CTIF: variants seen among roughly 807,000 people sequenced by gnomAD.
CTIF encodes the protein CBP80/20-dependent translation initiation factor.
In CTIF, 21 loss-of-function variants were observed where a neutral mutation model predicts 66.0. The ratio of observed to expected loss-of-function variants is 0.32; its 90% CI spans 0.23 to 0.46. The LOEUF (loss-of-function observed/expected upper bound fraction) is 0.46, where lower values mean the gene tolerates loss of function less well. CTIF is among the 20% of genes least tolerant of loss of function. CTIF has a pLI of 1.00. For synonymous variants in CTIF, 345 were observed against 326.4 expected, an observed-to-expected ratio of 1.06 and a Z score of -0.62; for missense variants, 739 against 812.7, an observed-to-expected ratio of 0.91 and a Z score of 1.10.
chr18:48,561,673 C>T (rs2089167718), intron 1 of CTIF, among the ~76,000 whole-genome samples: 1 of 152,130 alleles, frequency 6.6e-6, no homozygotes, highest in Non-Finnish European at 1.5e-5. Context: ...TGTCCTTGTC[C>T]CCTGGCAGAA....
chr18:48,807,441 CTCTT>C (rs1004039766), intron 9 of CTIF, among the ~76,000 whole-genome samples: 10 of 152,056 alleles, frequency 6.6e-5, no homozygotes, highest in Non-Finnish European at 1.0e-4. Context: ...ACTATTTCTC[CTCTT>C]TCTTTTTAAA....
At chr18:48,797,656 G>T (rs1331707977) in intron 9 of CTIF, among the ~76,000 whole-genome samples, 1 of 152,080 alleles carries the variant, frequency 6.6e-6, no homozygotes, top group South Asian at 2.1e-4. Context: ...GTGGTATTCT[G>T]GGGTGGGGGG....
intron 9 of CTIF, among the ~76,000 whole-genome samples, chr18:48,771,061 CTT>C (rs1394699288): frequency 2.0e-5 from 3 of 152,162 alleles, no homozygotes; most frequent in Admixed American, 2.0e-4. Context: ...AGACTATTGT[CTT>C]CCTGGGCGGT....
rs367786142 is a variant in CTIF at position 48,663,774 on chromosome 18, T to C, written c.275T>C (p.Leu92Pro). ...CAGAATGGCAGCAAAGACAACTCTC[T>C]GGACATGCTGGGCACGGACATCTGG... ...PQQNGSKDNS[L>P]DMLGTDIWAA... Residue 92 changes from leucine to proline, a missense_variant, in exon 4 of 12, where the codon CTG becomes CCG. Physicochemically the swap from Leu to Pro is moderately conservative, Grantham distance 98. Coordinates refer to ENST00000256413, the MANE Select transcript of CTIF (RefSeq NM_014772.3). 6 of 1,613,972 alleles carry C rather than the reference T, an allele frequency of 3.7e-6. No individual in the cohort carries two copies. Among genetic ancestry groups the C allele is most frequent in the Middle Eastern group, 1.6e-4 (1 of 6,082 alleles).
At chr18:48,857,548 T>C in intron 10 of CTIF, 40 bp from the exon 11 acceptor site, 5 of 1,579,030 alleles carry the variant, frequency 3.2e-6, no homozygotes, top group Non-Finnish European at 4.3e-6. Flanking sequence ...GTAGCCGGCA[T>C]GTCTCCTTCA....
At chr18:48,585,930 G>A (rs1256656087) in intron 1 of CTIF, among the ~76,000 whole-genome samples, 1 of 152,134 alleles carries the variant, frequency 6.6e-6, no homozygotes, top group African/African-American at 2.4e-5. Context: ...AATCTTTATA[G>A]TTGAGTTTTA....
intron 6 of CTIF, among the ~76,000 whole-genome samples, chr18:48,709,023 G>A (rs1465938758): frequency 6.6e-6 from 1 of 152,212 alleles, no homozygotes; most frequent in Non-Finnish European, 1.5e-5. Flanking sequence ...TGATGACAAT[G>A]AGGCTTACTA....
chr18:48,546,802 G>A (rs547389252), intron 1 of CTIF, among the ~76,000 whole-genome samples: 16 of 152,302 alleles, frequency 1.1e-4, no homozygotes, highest in African/African-American at 3.6e-4. Flanking sequence ...CAGCCCGTCC[G>A]CATGGGGGAT....
At chr18:48,658,668 C>T (rs2091287418) in intron 3 of CTIF, among the ~76,000 whole-genome samples, 1 of 151,814 alleles carries the variant, frequency 6.6e-6, no homozygotes, top group African/African-American at 2.4e-5. Context: ...GTGGATGTGT[C>T]TGTCTAGTAT....
chr18:48,675,465 G>A (rs993510531), intron 6 of CTIF, among the ~76,000 whole-genome samples: 4 of 152,306 alleles, frequency 2.6e-5, no homozygotes, highest in South Asian at 2.1e-4. Context: ...GGTGCTTGCT[G>A]TGGGAAGTCC....
chr18:48,841,692 C>T (rs1297659699), intron 10 of CTIF, among the ~76,000 whole-genome samples: 8 of 152,212 alleles, frequency 5.3e-5, no homozygotes, highest in Non-Finnish European at 1.0e-4. Context: ...GGCGGGCAGG[C>T]GGGCAGGCCC....
chr18:48,795,881 C>T (rs1218363330), intron 9 of CTIF, among the ~76,000 whole-genome samples: 2 of 152,156 alleles, frequency 1.3e-5, no homozygotes, highest in East Asian at 1.9e-4. Context: ...CTGGGAAAGC[C>T]GAGCCACCTG....
intron 9 of CTIF, among the ~76,000 whole-genome samples, chr18:48,781,193 C>T (rs1436118909): frequency 1.3e-5 from 2 of 152,234 alleles, no homozygotes; most frequent in South Asian, 2.1e-4. Flanking sequence ...GCTCCGGCCC[C>T]AGCGCCAGCC....
At chr18:48,667,180 C>T (rs1313031326) in intron 5 of CTIF, among the ~76,000 whole-genome samples, 2 of 151,788 alleles carry the variant, frequency 1.3e-5, no homozygotes, top group Non-Finnish European at 2.9e-5. Flanking sequence ...GAAATATGAA[C>T]CTATTCATGA....
At chr18:48,586,392 T>C (rs2089769799) in intron 1 of CTIF, among the ~76,000 whole-genome samples, 1 of 151,468 alleles carries the variant, frequency 6.6e-6, no homozygotes, top group South Asian at 2.1e-4. Context: ...TGTCTCAGCC[T>C]CCCAAGTAAC....
At chr18:48,810,331 A>T (rs7227892) in intron 9 of CTIF, among the ~76,000 whole-genome samples, 49,246 of 151,938 alleles carry the variant, frequency 0.32, 8,650 homozygotes, top group African/African-American at 0.43. Context: ...AATAGTTAAG[A>T]CTATAAATTG....
chr18:48,610,222 C>T (rs893951741), intron 1 of CTIF, among the ~76,000 whole-genome samples: 11 of 152,248 alleles, frequency 7.2e-5, no homozygotes, highest in Middle Eastern at 6.8e-3. Context: ...AGCCCAGAGG[C>T]GGAGGAGAAG....
Position 48,761,417 on chromosome 18 carries a change from C to G in CTIF, c.1099C>G (p.Pro367Ala). 1 of 1,613,912 alleles carries G rather than the reference C, an allele frequency of 6.2e-7. No individual in the cohort carries two copies. Among genetic ancestry groups the G allele is most frequent in the Non-Finnish European group, 8.5e-7 (1 of 1,180,000 alleles). Residue 367 changes from proline to alanine, a missense_variant, in exon 9 of 12, where the codon CCC becomes GCC. Physicochemically the swap from Pro to Ala is conservative, Grantham distance 27. Transcript: ENST00000256413. This position sits in a 1 kb window ranked among gnomAD's most constrained non-coding sequence, Gnocchi z 4.2. The stretch of plus-strand genomic sequence containing the variant: ...TGAAGTGGCCGTGGAGACGACCACT[C>G]CCCAGCAGAACAAGATGGACAAGCT... The part of the protein sequence containing the change: ...KDEVAVETTT[P>A]QQNKMDKLIE...
chr18:48,557,742 T>C (rs974092260), intron 1 of CTIF, among the ~76,000 whole-genome samples: 5 of 152,248 alleles, frequency 3.3e-5, no homozygotes, highest in African/African-American at 1.2e-4. Flanking sequence ...ACAGTGCTGG[T>C]AAATTCAGTT....
Sources: gnomAD v4.1 joint callset for allele counts (sites outside exome capture counted in the v4.1 genomes callset) on GRCh38, gnomAD v4.1.1 for gene constraint, Gnocchi (gnomAD v3.1) non-coding constraint, MANE v1.5 for transcripts, NCBI Gene and HGNC (gene_info 2026-07-23, HGNC 2026-07-21) for gene names.